Variants in ENTREP1 observed in about 807,000 individuals in gnomAD.
ENTREP1 encodes endosomal transmembrane epsin interactor 1.
chr9:69,326,306 GTACC>G, the ENTREP1 span, among the ~76,000 whole-genome samples: 3 of 152,150 alleles, frequency 2.0e-5, no homozygotes, highest in Non-Finnish European at 4.4e-5. Context: ...ACTGGCGCTT[GTACC>G]TGGTCATTAA....
At chr9:69,346,075 C>T in the ENTREP1 span, among the ~76,000 whole-genome samples, 262 of 151,658 alleles carry the variant, frequency 1.7e-3, 2 homozygotes, top group Middle Eastern at 6.9e-3. Context: ...CTCTGCCTCC[C>T]GGGTTCAAGC....
chr9:69,383,351 A>G, the ENTREP1 span: 9 of 1,182,752 alleles, frequency 7.6e-6, no homozygotes, highest in East Asian at 4.2e-4. Flanking sequence ...GGCAGCCACT[A>G]ATCTGCTCTG....
At chr9:69,353,171 A>G in the ENTREP1 span, among the ~76,000 whole-genome samples, 1 of 152,182 alleles carries the variant, frequency 6.6e-6, no homozygotes, top group Non-Finnish European at 1.5e-5. Flanking sequence ...ATAACACTGC[A>G]CCGGGACTCC....
chr9:69,370,146 G>T, the ENTREP1 span, among the ~76,000 whole-genome samples: 3 of 152,056 alleles, frequency 2.0e-5, no homozygotes, highest in South Asian at 4.2e-4. Context: ...GTACTGATGG[G>T]CATTATAACC....
chr9:69,327,010 G>GAAAA, the ENTREP1 span, among the ~76,000 whole-genome samples: 1 of 139,430 alleles, frequency 7.2e-6, no homozygotes, highest in Non-Finnish European at 1.6e-5. Context: ...AGACCAAATT[G>GAAAA]AAAAAAAAAA....
At chr9:69,329,032 G>A in the ENTREP1 span, among the ~76,000 whole-genome samples, 7 of 152,206 alleles carry the variant, frequency 4.6e-5, no homozygotes, top group African/African-American at 1.7e-4. Flanking sequence ...TCCATGCTGC[G>A]GCAAGTCTCA....
At chr9:69,377,735 T>A in the ENTREP1 span, 2 of 1,612,592 alleles carry the variant, frequency 1.2e-6, no homozygotes, top group African/African-American at 2.7e-5. Context: ...ACACCCCGGA[T>A]GAACCGCAGG....
At chr9:69,384,042 G>A in the ENTREP1 span, 1 of 1,561,760 alleles carries the variant, frequency 6.4e-7, no homozygotes, top group East Asian at 2.2e-5. Context: ...GATACATTGT[G>A]ACATGATTCA....
chr9:69,325,388 G>A, the ENTREP1 span: 2 of 1,127,050 alleles, frequency 1.8e-6, no homozygotes, highest in Non-Finnish European at 2.2e-6. Context: ...CGGGGGCCCG[G>A]GCGCCGCTGC....
chr9:69,358,730 A>G, the ENTREP1 span, among the ~76,000 whole-genome samples: 1 of 152,186 alleles, frequency 6.6e-6, no homozygotes, highest in African/African-American at 2.4e-5. Context: ...GCTCATATTT[A>G]AATAAAAACA....
At chr9:69,371,305 G>A in the ENTREP1 span, 8 of 640,842 alleles carry the variant, frequency 1.2e-5, no homozygotes, top group Middle Eastern at 1.2e-3. Context: ...AGACTTAAGA[G>A]TCAGTGGCAT....
chr9:69,357,502 A>G, the ENTREP1 span, among the ~76,000 whole-genome samples: 1 of 152,212 alleles, frequency 6.6e-6, no homozygotes, highest in Admixed American at 6.5e-5. Flanking sequence ...TTCTGTTCAC[A>G]GCAACGGGCC....
chr9:69,358,064 CA>C, the ENTREP1 span, among the ~76,000 whole-genome samples: 63 of 152,156 alleles, frequency 4.1e-4, no homozygotes, highest in Admixed American at 2.0e-3. Context: ...TGTTAAATGG[CA>C]GTTAGAGTCT....
the ENTREP1 span, among the ~76,000 whole-genome samples, chr9:69,340,937 G>T: frequency 6.6e-6 from 1 of 152,148 alleles, no homozygotes; most frequent in Non-Finnish European, 1.5e-5. Context: ...AAAATGTTCT[G>T]TAAGTGTTTA....
At chr9:69,331,546 T>G in the ENTREP1 span, among the ~76,000 whole-genome samples, 2 of 152,130 alleles carry the variant, frequency 1.3e-5, no homozygotes, top group East Asian at 3.9e-4. Flanking sequence ...ATATAGAGAT[T>G]GTTTGGTGTT....
the ENTREP1 span, among the ~76,000 whole-genome samples, chr9:69,367,790 CATAT>C: frequency 8.8e-5 from 10 of 113,660 alleles, 1 homozygote; most frequent in East Asian, 2.2e-3. Context: ...TATATACACA[CATAT>C]ATATAAATAT....
chr9:69,379,149 A>G, the ENTREP1 span, among the ~76,000 whole-genome samples: 2 of 152,198 alleles, frequency 1.3e-5, no homozygotes, highest in African/African-American at 2.4e-5. Context: ...CCTGTAGTAC[A>G]TGTAGAGACT....
the ENTREP1 span, among the ~76,000 whole-genome samples, chr9:69,353,177 A>T: frequency 6.6e-6 from 1 of 151,908 alleles, no homozygotes; most frequent in East Asian, 1.9e-4. Context: ...CTGCACCGGG[A>T]CTCCTGCACC....
the ENTREP1 span, among the ~76,000 whole-genome samples, chr9:69,328,935 T>A: frequency 9.5e-4 from 145 of 152,116 alleles, 2 homozygotes; most frequent in East Asian, 0.026. Flanking sequence ...TAGATATGTC[T>A]GTTCTGGATA....
Sources: allele counts gnomAD v4.1 joint callset (sites outside exome capture counted in the v4.1 genomes callset), GRCh38; gene constraint gnomAD v4.1.1; transcripts MANE v1.5; gene names NCBI Gene and HGNC (gene_info 2026-07-23, HGNC 2026-07-21).